Variants in LRRC37A2 observed in about 807,000 individuals in gnomAD.
LRRC37A2 encodes leucine-rich repeat-containing protein 37A2.
In LRRC37A2, 9 loss-of-function variants were observed where a neutral mutation model predicts 68.8. That is an observed-to-expected ratio of 0.13 (90% CI 0.08 to 0.23). The LOEUF is 0.23. Among genes scored for constraint, LRRC37A2 ranks in the 10% least tolerant of loss-of-function variants. LRRC37A2 has a pLI of 1.00. For synonymous variants in LRRC37A2, 63 were observed against 367.6 expected, an observed-to-expected ratio of 0.17 and a Z score of 9.48; for missense variants, 168 against 950.4, an observed-to-expected ratio of 0.18 and a Z score of 10.82.
chr17:46,952,019 G>A, the LRRC37A2 span, among the ~76,000 whole-genome samples: 6 of 152,130 alleles, frequency 3.9e-5, no homozygotes, highest in South Asian at 2.1e-4. Context: ...ATATAACTTC[G>A]TATATATTGC....
At chr17:46,979,156 G>A in the LRRC37A2 span, 3 of 858,744 alleles carry the variant, frequency 3.5e-6, no homozygotes, top group Non-Finnish European at 4.8e-6. Flanking sequence ...CTGCCTGCGC[G>A]CTCTCGGGCC....
At chr17:47,033,840 G>C in the LRRC37A2 span, among the ~76,000 whole-genome samples, 4 of 152,284 alleles carry the variant, frequency 2.6e-5, no homozygotes, top group East Asian at 5.8e-4. Context: ...ATCTAATAAG[G>C]CATATTTAAT....
At chr17:46,881,233 G>A in the LRRC37A2 span, among the ~76,000 whole-genome samples, 6 of 152,198 alleles carry the variant, frequency 3.9e-5, no homozygotes, top group Non-Finnish European at 7.3e-5. Flanking sequence ...TCCCCAGGGC[G>A]GGAGGCAGAG....
the LRRC37A2 span, among the ~76,000 whole-genome samples, chr17:46,691,726 T>G: frequency 2.6e-5 from 4 of 151,710 alleles, no homozygotes; most frequent in Admixed American, 1.3e-4. Flanking sequence ...TTAGGTTATG[T>G]TCATTTTTTA....
the LRRC37A2 span, chr17:47,018,363 G>T: frequency 1.2e-6 from 2 of 1,611,134 alleles, no homozygotes; most frequent in Non-Finnish European, 1.7e-6. Flanking sequence ...AGAACATCAT[G>T]AAGTCACAGT....
chr17:46,543,207 G>A (rs1273605095), intron 8 of LRRC37A2, among the ~76,000 whole-genome samples: 4 of 150,540 alleles, frequency 2.7e-5, no homozygotes, highest in African/African-American at 7.5e-5. Context: ...GTTCATTATT[G>A]GAAGTCTTCA....
chr17:46,922,967 C>A, the LRRC37A2 span: 2 of 602,570 alleles, frequency 3.3e-6, no homozygotes, highest in African/African-American at 3.7e-5. Context: ...CCTTGCCCTT[C>A]ACGTGAAGCC....
At chr17:46,963,830 T>C in the LRRC37A2 span, 1 of 152,168 alleles carries the variant, frequency 6.6e-6, no homozygotes, top group Non-Finnish European at 1.5e-5. Context: ...TTTTTGTTTT[T>C]AAAGAGAATA....
the LRRC37A2 span, among the ~76,000 whole-genome samples, chr17:46,820,321 G>A: frequency 6.6e-5 from 10 of 152,178 alleles, no homozygotes; most frequent in African/African-American, 2.2e-4. Flanking sequence ...ACTGGAGGGG[G>A]TGGGAGGGGA....
chr17:46,832,393 A>C, the LRRC37A2 span, among the ~76,000 whole-genome samples: 1 of 120,602 alleles, frequency 8.3e-6, no homozygotes, highest in Non-Finnish European at 1.7e-5. Context: ...CACAGGGGGG[A>C]AAAGAGAGAG....
chr17:46,784,464 G>A, the LRRC37A2 span, among the ~76,000 whole-genome samples: 2 of 152,070 alleles, frequency 1.3e-5, no homozygotes, highest in African/African-American at 4.8e-5. Flanking sequence ...GTGGGCACAC[G>A]GTGGGAGGAC....
chr17:46,810,590 CTGAG>C, the LRRC37A2 span, among the ~76,000 whole-genome samples: 1 of 152,244 alleles, frequency 6.6e-6, no homozygotes, highest in African/African-American at 2.4e-5. Flanking sequence ...GATGAGAAAA[CTGAG>C]GGAGGGAGGA....
chr17:46,985,449 G>A, the LRRC37A2 span, among the ~76,000 whole-genome samples: 1 of 152,006 alleles, frequency 6.6e-6, no homozygotes, highest in Non-Finnish European at 1.5e-5. Flanking sequence ...GAACCTGGGA[G>A]GCGGAGGTTG....
the LRRC37A2 span, chr17:46,768,175 C>T: frequency 9.5e-6 from 12 of 1,268,294 alleles, no homozygotes; most frequent in Admixed American, 2.1e-5. The surrounding 1 kb of genome is among the most constrained non-coding windows in gnomAD (Gnocchi z 5.0). Flanking sequence ...ATCCTAGCTT[C>T]CTATTTTGGC....
the LRRC37A2 span, among the ~76,000 whole-genome samples, chr17:46,951,516 A>G: frequency 1.3e-5 from 2 of 152,156 alleles, no homozygotes; most frequent in East Asian, 3.9e-4. Flanking sequence ...GTGCCTTTTA[A>G]CTGGCGTAGC....
the LRRC37A2 span, among the ~76,000 whole-genome samples, chr17:46,944,324 C>G: frequency 6.6e-6 from 1 of 152,248 alleles, no homozygotes; most frequent in African/African-American, 2.4e-5. Flanking sequence ...AGCCTGGCTT[C>G]AAGTCCCAGC....
At chr17:47,012,380 T>C in the LRRC37A2 span, among the ~76,000 whole-genome samples, 1 of 152,018 alleles carries the variant, frequency 6.6e-6, no homozygotes, top group African/African-American at 2.4e-5. Flanking sequence ...GAAAAATAGA[T>C]AAATTGCATA....
At chr17:47,021,785 T>G in the LRRC37A2 span, 2 of 1,124,274 alleles carry the variant, frequency 1.8e-6, no homozygotes, top group Non-Finnish European at 2.7e-6. Flanking sequence ...TTGCAATGAT[T>G]CTTTTACTTA....
chr17:46,826,332 A>G, the LRRC37A2 span, among the ~76,000 whole-genome samples: 1 of 152,212 alleles, frequency 6.6e-6, no homozygotes, highest in South Asian at 2.1e-4. Flanking sequence ...TGGGCTGGGA[A>G]TGGGGTCACA....
Sources: gnomAD v4.1 joint callset for allele counts (sites outside exome capture counted in the v4.1 genomes callset) on GRCh38, gnomAD v4.1.1 for gene constraint, Gnocchi (gnomAD v3.1) non-coding constraint, MANE v1.5 for transcripts, NCBI Gene and HGNC (gene_info 2026-07-23, HGNC 2026-07-21) for gene names.